The following CMSS1 variants were observed in gnomAD, a reference collection of about 807,000 sequenced individuals.
CMSS1 encodes cms1 ribosomal small subunit homolog.
In CMSS1, 33 loss-of-function variants were observed where a neutral mutation model predicts 43.5. The observed-to-expected ratio is 0.76, with a 90% CI of 0.57 to 1.01. The LOEUF is 1.01. CMSS1 is among the 50% of genes least tolerant of loss of function. The pLI is 0.00. For missense variants in CMSS1, 313 were observed against 326.4 expected (o/e 0.96, Z 0.32); for synonymous variants, 115 against 117.2 (o/e 0.98, Z 0.12).
chr3:99,969,610 TGGTTTTCC>T (rs1708755343), intron 1 of CMSS1, among the ~76,000 whole-genome samples: 1 of 152,148 alleles, frequency 6.6e-6, no homozygotes, highest in Non-Finnish European at 1.5e-5. Context: ...CAAGGAACTA[TGGTTTTCC>T]AGAGATTGGA....
chr3:100,124,756 C>T (rs745577066), intron 1 of CMSS1, among the ~76,000 whole-genome samples: 1 of 152,204 alleles, frequency 6.6e-6, no homozygotes, highest in Non-Finnish European at 1.5e-5. Flanking sequence ...GTAGTAAACA[C>T]AAGGCTCTGG....
chr3:100,037,746 A>G (rs185945537), intron 1 of CMSS1, among the ~76,000 whole-genome samples: 48 of 152,266 alleles, frequency 3.2e-4, no homozygotes, highest in African/African-American at 1.2e-3. Context: ...AGCTCATTGC[A>G]TAAAGCTGTG....
chr3:99,958,246 ATTATTT>A (rs1193625001), intron 1 of CMSS1, among the ~76,000 whole-genome samples: 2 of 133,360 alleles, frequency 1.5e-5, no homozygotes, highest in African/African-American at 6.0e-5. Flanking sequence ...TATTATTATT[ATTATTT>A]GAAGGTAACA....
intron 1 of CMSS1, among the ~76,000 whole-genome samples, chr3:99,847,322 G>A (rs1388745178): frequency 2.0e-5 from 3 of 149,300 alleles, no homozygotes; most frequent in Non-Finnish European, 4.4e-5. Context: ...AACCCCATAG[G>A]AAAAAGAAAC....
chr3:99,924,287 T>G, intron 1 of CMSS1: 1 of 1,614,122 alleles, frequency 6.2e-7, no homozygotes, highest in Non-Finnish European at 8.5e-7. Context: ...CATGTATTCT[T>G]TATGTTTTCT....
intron 1 of CMSS1, among the ~76,000 whole-genome samples, chr3:100,054,786 T>A (rs1382329280): frequency 6.6e-6 from 1 of 152,192 alleles, no homozygotes; most frequent in Admixed American, 6.5e-5. Context: ...ACAATGCCTC[T>A]GGATCCCGTA....
chr3:100,127,404 C>A (rs536863740), intron 1 of CMSS1, among the ~76,000 whole-genome samples: 2 of 152,304 alleles, frequency 1.3e-5, no homozygotes, highest in Admixed American at 1.3e-4. Context: ...ACAATGTCGT[C>A]TTTCCCAGGA....
At chr3:99,924,474 A>G (rs1707226103) in intron 1 of CMSS1, 1 of 1,444,138 alleles carries the variant, frequency 6.9e-7, no homozygotes, top group Non-Finnish European at 9.6e-7. Flanking sequence ...TCACTCTTTT[A>G]GAAATGTCCC....
intron 1 of CMSS1, among the ~76,000 whole-genome samples, chr3:99,996,445 C>T (rs1709683573): frequency 6.6e-6 from 1 of 152,186 alleles, no homozygotes; most frequent in African/African-American, 2.4e-5. Context: ...CTTCTGAGCC[C>T]TCCAAACTGT....
chr3:99,954,932 A>G (rs1434231254), intron 1 of CMSS1, among the ~76,000 whole-genome samples: 3 of 152,270 alleles, frequency 2.0e-5, no homozygotes, highest in Non-Finnish European at 2.9e-5. Flanking sequence ...ATAAGCCCAC[A>G]ATAAATGTTA....
At chr3:100,108,889 C>G (rs935044738) in intron 1 of CMSS1, among the ~76,000 whole-genome samples, 1 of 152,132 alleles carries the variant, frequency 6.6e-6, no homozygotes, top group East Asian at 1.9e-4. Flanking sequence ...AGATCATATT[C>G]CCTTGTAACT....
intron 1 of CMSS1, among the ~76,000 whole-genome samples, chr3:99,984,196 ATTGT>A (rs916472566): frequency 4.7e-4 from 71 of 152,238 alleles, no homozygotes; most frequent in East Asian, 2.5e-3. Flanking sequence ...TTGGAATGTG[ATTGT>A]TTGAGAGCCA....
chr3:99,900,575 C>T (rs1706403020), intron 1 of CMSS1, among the ~76,000 whole-genome samples: 1 of 152,198 alleles, frequency 6.6e-6, no homozygotes, highest in South Asian at 2.1e-4. Flanking sequence ...TATGTTATAA[C>T]TAAGGTGTAA....
At chr3:99,903,165 TAA>T (rs1706492666) in intron 1 of CMSS1, among the ~76,000 whole-genome samples, 1 of 152,146 alleles carries the variant, frequency 6.6e-6, no homozygotes, top group Admixed American at 6.5e-5. Flanking sequence ...TTATGAGGAT[TAA>T]AGTTTAAGAG....
intron 1 of CMSS1, among the ~76,000 whole-genome samples, chr3:99,983,389 A>AATAAATAAAT (rs1302972402): frequency 1.2e-4 from 5 of 40,788 alleles, no homozygotes; most frequent in African/African-American, 5.1e-4. Context: ...TAAATAAATA[A>AATAAATAAAT]ATATATATAT....
chr3:99,958,209 T>C (rs1452315669), intron 1 of CMSS1, among the ~76,000 whole-genome samples: 140 of 87,874 alleles, frequency 1.6e-3, no homozygotes, highest in Admixed American at 0.011. Context: ...CATGCATTAT[T>C]ATTATTATTA....
chr3:99,970,702 A>G (rs1708787815), intron 1 of CMSS1, among the ~76,000 whole-genome samples: 1 of 152,332 alleles, frequency 6.6e-6, no homozygotes, highest in South Asian at 2.1e-4. Context: ...ATGGGATATG[A>G]ACTGGGCTGG....
At chr3:100,019,458 T>TA (rs942309132) in intron 1 of CMSS1, among the ~76,000 whole-genome samples, 4 of 152,220 alleles carry the variant, frequency 2.6e-5, no homozygotes, top group Non-Finnish European at 5.9e-5. Context: ...TGATGACATT[T>TA]AAAAAATAAT....
At chr3:100,125,583 T>C (rs1046115326) in intron 1 of CMSS1, among the ~76,000 whole-genome samples, 2 of 152,230 alleles carry the variant, frequency 1.3e-5, no homozygotes, top group African/African-American at 2.4e-5. Flanking sequence ...AGATAATTAA[T>C]TTCATATGAC....
Sources: allele counts gnomAD v4.1 joint callset (sites outside exome capture counted in the v4.1 genomes callset), GRCh38; gene constraint gnomAD v4.1.1; transcripts MANE v1.5; gene names NCBI Gene and HGNC (gene_info 2026-07-23, HGNC 2026-07-21).